The following NRXN3 variants were observed in gnomAD, a reference collection of about 807,000 sequenced individuals.
NRXN3 encodes the protein neurexin III.
A neutral mutation model predicts 137.6 loss-of-function variants in NRXN3; 32 were observed. The ratio of observed to expected loss-of-function variants is 0.23; its 90% CI spans 0.18 to 0.31. NRXN3 has a LOEUF of 0.31. Ranked by LOEUF, NRXN3 falls within the 10% of genes least tolerant of loss-of-function variation. The pLI is 1.00. For missense variants in NRXN3, 1,574 were observed against 2,062.5 expected (o/e 0.76, Z 4.59); for synonymous variants, 798 against 784.5 (o/e 1.02, Z -0.29).
At chr14:79,606,842 G>C (rs912768901) in intron 16 of NRXN3, among the ~76,000 whole-genome samples, 3 of 152,222 alleles carry the variant, frequency 2.0e-5, no homozygotes, top group Non-Finnish European at 2.9e-5. Context: ...GAAAAGAATA[G>C]CGTGGACACA....
At chr14:79,007,828 A>G (rs2099556654) in intron 15 of NRXN3, among the ~76,000 whole-genome samples, 6 of 148,738 alleles carry the variant, frequency 4.0e-5, no homozygotes, top group Admixed American at 1.3e-4. Flanking sequence ...AAAAAAAAAA[A>G]GCAGAAAAAT....
At chr14:79,659,226 T>C (rs1007366936) in intron 16 of NRXN3, among the ~76,000 whole-genome samples, 1 of 152,178 alleles carries the variant, frequency 6.6e-6, no homozygotes, top group African/African-American at 2.4e-5. Flanking sequence ...TTGAGGATTC[T>C]TTGGTAATGT....
At chr14:78,439,243 C>T (rs1453687509) in intron 4 of NRXN3, among the ~76,000 whole-genome samples, 1 of 152,010 alleles carries the variant, frequency 6.6e-6, no homozygotes, top group Non-Finnish European at 1.5e-5. Flanking sequence ...ACCAGGGTAC[C>T]TCTTTCTTTG....
intron 19 of NRXN3, among the ~76,000 whole-genome samples, chr14:79,747,661 C>A (rs2098983729): frequency 6.6e-6 from 1 of 152,140 alleles, no homozygotes; most frequent in Admixed American, 6.6e-5. Flanking sequence ...GTCTAATAAT[C>A]TAACATATAT....
At chr14:79,726,052 T>G (rs918845444) in intron 19 of NRXN3, among the ~76,000 whole-genome samples, 7 of 152,164 alleles carry the variant, frequency 4.6e-5, no homozygotes, top group African/African-American at 1.7e-4. Context: ...AAATTCCTAC[T>G]ATCTTTTCAA....
At chr14:78,406,479 C>G (rs1224474049) in intron 4 of NRXN3, among the ~76,000 whole-genome samples, 1 of 152,152 alleles carries the variant, frequency 6.6e-6, no homozygotes, top group Non-Finnish European at 1.5e-5. Context: ...CTCTACTAAA[C>G]AGCATAGGTA....
At chr14:79,344,582 G>T (rs961015414) in intron 15 of NRXN3, among the ~76,000 whole-genome samples, 2 of 152,042 alleles carry the variant, frequency 1.3e-5, no homozygotes, top group Admixed American at 6.6e-5. Flanking sequence ...TTTATGCCAT[G>T]GTTATAGATC....
chr14:79,534,565 A>G (rs1294219148), intron 16 of NRXN3, among the ~76,000 whole-genome samples: 3 of 152,048 alleles, frequency 2.0e-5, no homozygotes, highest in Non-Finnish European at 4.4e-5. Flanking sequence ...TTAAAACAAA[A>G]CTCTCCTAGG....
intron 14 of NRXN3, among the ~76,000 whole-genome samples, chr14:78,970,274 AC>A (rs138434366): frequency 0.15 from 22,334 of 152,052 alleles, 2,577 homozygotes; most frequent in African/African-American, 0.33. Context: ...CCTAGTAGCT[AC>A]ATTTTAAAAA....
At chr14:79,070,183 G>T (rs926753334) in intron 15 of NRXN3, among the ~76,000 whole-genome samples, 3 of 152,072 alleles carry the variant, frequency 2.0e-5, no homozygotes, top group Non-Finnish European at 2.9e-5. Context: ...CTTTTAAATT[G>T]GTAGTTTGAC....
intron 6 of NRXN3, chr14:78,698,025 T>C (rs12892920): frequency 0.95 from 145,166 of 152,042 alleles, 69,692 homozygotes; most frequent in Middle Eastern, 1. Flanking sequence ...TTGGCGGTTG[T>C]TGAGCCATCA....
chr14:78,294,131 C>A (rs928751032), intron 3 of NRXN3, among the ~76,000 whole-genome samples: 1 of 152,196 alleles, frequency 6.6e-6, no homozygotes, highest in Non-Finnish European at 1.5e-5. Flanking sequence ...TAGGAATTAT[C>A]CATTCACTCA....
At chr14:78,301,487 G>A (rs1165989199) in intron 4 of NRXN3, among the ~76,000 whole-genome samples, 1 of 152,194 alleles carries the variant, frequency 6.6e-6, no homozygotes, top group Admixed American at 6.5e-5. Context: ...AGAGACCCGA[G>A]CCTAGAGAAC....
At chr14:78,719,063 A>C (rs969923893) in intron 8 of NRXN3, among the ~76,000 whole-genome samples, 1 of 152,226 alleles carries the variant, frequency 6.6e-6, no homozygotes, top group Non-Finnish European at 1.5e-5. Flanking sequence ...ATTGGTGAGC[A>C]TCAAGTTCCA....
At chr14:78,323,915 C>G (rs1004356532) in intron 4 of NRXN3, among the ~76,000 whole-genome samples, 14 of 151,950 alleles carry the variant, frequency 9.2e-5, no homozygotes, top group Non-Finnish European at 1.9e-4. Context: ...AGCAGTTTCT[C>G]CAAATGTAGT....
chr14:79,481,599 G>A (rs985931775), intron 16 of NRXN3, among the ~76,000 whole-genome samples: 11 of 152,208 alleles, frequency 7.2e-5, no homozygotes, highest in African/African-American at 1.9e-4. Flanking sequence ...ATGCAGTATT[G>A]TAATTTTATG....
At chr14:78,403,915 TGTGAGCTGCG>T in intron 4 of NRXN3, 3 of 980,254 alleles carry the variant, frequency 3.1e-6, no homozygotes, top group Non-Finnish European at 3.6e-6. Context: ...AGAAAAGATA[TGTGAGCTGCG>T]GTGGGGGTGG....
At position 78,314,893 on chromosome 14, in the gene NRXN3, CTCTTTCTT is replaced by C. The variant is rs67628703; in HGVS notation, c.757+17078_757+17085del. Reference sequence around the variant, plus strand: ...TTTCTTTTCCGTTCTTTCTTTCTTTCTCTTTCTTTCTTTCTTTCTTTCTTTCTTTCTTT... The same window carrying C: ...TTTCTTTTCCGTTCTTTCTTTCTTTCTCTTTCTTTCTTTCTTTCTTTCTTT... On this transcript the variant is annotated intron_variant, in intron 4 of 20. Coordinates refer to ENST00000335750, the MANE Select transcript of NRXN3 (RefSeq NM_001330195.2). 1.7e-3 allele frequency among the ~76,000 whole-genome samples: 136 copies of C among 82,130 alleles called. 1 individual carries two copies. Among genetic ancestry groups the C allele is most frequent in the South Asian group, 5.4e-3 (12 of 2,240 alleles). 53.9% of individuals were successfully genotyped at this position (82,130 alleles called of 152,430 possible).
intron 19 of NRXN3, among the ~76,000 whole-genome samples, chr14:79,727,696 A>G (rs762264735): frequency 1.3e-5 from 2 of 152,130 alleles, no homozygotes; most frequent in South Asian, 2.1e-4. Context: ...TACTTCATCT[A>G]CTGTGAATGA....
Sources: allele counts gnomAD v4.1 joint callset (sites outside exome capture counted in the v4.1 genomes callset), GRCh38; gene constraint gnomAD v4.1.1; transcripts MANE v1.5; gene names NCBI Gene and HGNC (gene_info 2026-07-23, HGNC 2026-07-21).